Variants in PDE1C observed in about 807,000 individuals in gnomAD.
PDE1C encodes phosphodiesterase 1C.
In PDE1C, 62 loss-of-function variants were observed where a neutral mutation model predicts 93.1. That is an observed-to-expected ratio of 0.67 (90% confidence interval 0.54 to 0.82). The LOEUF (loss-of-function observed/expected upper bound fraction) is 0.82. Among genes scored for constraint, PDE1C ranks in the 40% least tolerant of loss-of-function variants. The pLI, the probability that PDE1C is intolerant of heterozygous loss-of-function variation, is 0.00. For synonymous variants in PDE1C, 325 were observed against 310.1 expected (o/e 1.05, Z -0.50); for missense variants, 742 against 884.6 (o/e 0.84, Z 2.04).
intron 3 of PDE1C, among the ~76,000 whole-genome samples, chr7:32,091,864 G>A (rs1487382168): frequency 1.3e-5 from 2 of 152,302 alleles, no homozygotes. Context: ...TAGGGGCAAG[G>A]GCAGGAAGGG....
intron 1 of PDE1C, among the ~76,000 whole-genome samples, chr7:32,312,018 C>A (rs1203016097): frequency 1.3e-5 from 2 of 149,590 alleles, no homozygotes; most frequent in African/African-American, 4.9e-5. Context: ...ATTATCTCAG[C>A]CCAAAATCTC....
At chr7:31,759,489 A>C (rs2128605148) in intron 17 of PDE1C, among the ~76,000 whole-genome samples, 1 of 152,280 alleles carries the variant, frequency 6.6e-6, no homozygotes, top group East Asian at 1.9e-4. Flanking sequence ...CAAGTTGGAC[A>C]CTTCTTCCCC....
At chr7:32,385,740 A>C (rs1784613467) in intron 1 of PDE1C, among the ~76,000 whole-genome samples, 1 of 152,182 alleles carries the variant, frequency 6.6e-6, no homozygotes, top group African/African-American at 2.4e-5. Flanking sequence ...GTCCAGGGGA[A>C]CCAGAGAGAA....
intron 15 of PDE1C, among the ~76,000 whole-genome samples, chr7:31,813,105 G>C (rs1011269695): frequency 1.3e-5 from 2 of 152,066 alleles, no homozygotes; most frequent in African/African-American, 4.8e-5. Flanking sequence ...TGGTATTATT[G>C]TTATTGCTTT....
At chr7:31,814,916 A>G (rs1196747667) in intron 15 of PDE1C, among the ~76,000 whole-genome samples, 1 of 151,780 alleles carries the variant, frequency 6.6e-6, no homozygotes, top group African/African-American at 2.4e-5. Context: ...CTGCTAAATT[A>G]CCTTGCTATT....
intron 1 of PDE1C, among the ~76,000 whole-genome samples, chr7:32,271,125 G>GA (rs1810934371): frequency 6.6e-6 from 1 of 152,276 alleles, no homozygotes; most frequent in Non-Finnish European, 1.5e-5. Context: ...GTGACAGAGC[G>GA]AGACTCTATC....
At chr7:31,989,680 T>C (rs1783917689) in intron 2 of PDE1C, among the ~76,000 whole-genome samples, 1 of 152,158 alleles carries the variant, frequency 6.6e-6, no homozygotes, top group Non-Finnish European at 1.5e-5. Context: ...ATAACGTCAC[T>C]CATTAGAGCT....
At chr7:32,339,690 A>G (rs950749136) in intron 1 of PDE1C, among the ~76,000 whole-genome samples, 1 of 152,146 alleles carries the variant, frequency 6.6e-6, no homozygotes, top group Non-Finnish European at 1.5e-5. Context: ...TCAGTGGAAG[A>G]GAGACTGGGA....
chr7:31,737,126 T>C, the PDE1C span, among the ~76,000 whole-genome samples: 4 of 152,028 alleles, frequency 2.6e-5, no homozygotes, highest in African/African-American at 9.7e-5. Flanking sequence ...AATTTTATTT[T>C]ATTACTTTTT....
intron 3 of PDE1C, among the ~76,000 whole-genome samples, chr7:32,149,754 A>C (rs1801124573): frequency 6.6e-6 from 1 of 152,246 alleles, no homozygotes; most frequent in Non-Finnish European, 1.5e-5. Context: ...TTTGGAAAGA[A>C]GGAACAATGA....
chr7:31,792,584 TCTATGGAGCTAATCTC>T (rs1483315367), intron 16 of PDE1C, among the ~76,000 whole-genome samples: 1 of 152,126 alleles, frequency 6.6e-6, no homozygotes, highest in African/African-American at 2.4e-5. Context: ...TGGATGGCTT[TCTATGGAGCTAATCTC>T]ACAGAGAAGG....
At position 32,294,609 on chromosome 7, in the gene PDE1C, C is replaced by A. The variant is rs1480928490; in HGVS notation, c.85+4042G>T. Among the ~76,000 whole-genome samples, 4 of 152,196 alleles carry A rather than the reference C, an allele frequency of 2.6e-5. No individual in the cohort carries two copies. The East Asian group carries it at 5.8e-4, about 22-fold the overall frequency. On this transcript the variant is annotated intron_variant, in intron 1 of 18. Transcript: ENST00000396193. ...GCTTTTGTTTTTGGCAGACATACAT[C>A]ACTTTGAGGGGGAGGTGTTTGTTTG...
chr7:31,748,870 T>C (rs945331901), downstream of PDE1C, among the ~76,000 whole-genome samples: 1 of 152,226 alleles, frequency 6.6e-6, no homozygotes, highest in Non-Finnish European at 1.5e-5. Context: ...CCAACAGAGA[T>C]TTCTTTTAAA....
At chr7:31,944,624 TGAAA>T (rs1482142268) in intron 2 of PDE1C, among the ~76,000 whole-genome samples, 2 of 152,198 alleles carry the variant, frequency 1.3e-5, no homozygotes, top group Non-Finnish European at 2.9e-5. Context: ...TCTTACAAAC[TGAAA>T]GAATTTTAAA....
At position 31,900,973 on chromosome 7, in the gene PDE1C, TTTAAACAATTACATAGTAAACCA is replaced by T. The variant is rs150595719; in HGVS notation, c.129-20136_129-20114del. 5.4e-3 allele frequency among the ~76,000 whole-genome samples: 818 copies of T among 151,900 alleles called. 8 individuals are homozygous for T. The highest frequency in any genetic ancestry group is 0.018 in the African/African-American group (760 of 41,560). ...TGATGCAGTTCAATATTTTTCTTGA[TTTAAACAATTACATAGTAAACCA>T]GGAATTTAATGACTTTTTTAAATGA... On this transcript the variant is annotated intron_variant, in intron 2 of 17. Transcript: ENST00000396191.
At chr7:32,214,164 C>T (rs1331307373) in intron 1 of PDE1C, among the ~76,000 whole-genome samples, 1 of 151,842 alleles carries the variant, frequency 6.6e-6, no homozygotes. Flanking sequence ...TATTTTTATA[C>T]ATACACGGAC....
chr7:31,669,659 A>G, the PDE1C span, among the ~76,000 whole-genome samples: 1 of 152,206 alleles, frequency 6.6e-6, no homozygotes, highest in African/African-American at 2.4e-5. Context: ...AATTTACATC[A>G]GACTCTTCTT....
chr7:31,873,894 GCTTCT>G (rs1183062018), intron 5 of PDE1C, among the ~76,000 whole-genome samples: 3 of 152,162 alleles, frequency 2.0e-5, no homozygotes, highest in African/African-American at 7.2e-5. Context: ...AGCCTACGAT[GCTTCT>G]CTTCTCTGAA....
At chr7:32,007,296 A>G (rs1378287847) in intron 2 of PDE1C, among the ~76,000 whole-genome samples, 3 of 151,840 alleles carry the variant, frequency 2.0e-5, no homozygotes, top group African/African-American at 7.3e-5. Context: ...TGTCGCACTA[A>G]CTCTTTTCCC....
Sources: allele counts gnomAD v4.1 joint callset (sites outside exome capture counted in the v4.1 genomes callset), GRCh38; gene constraint gnomAD v4.1.1; transcripts MANE v1.5; gene names NCBI Gene and HGNC (gene_info 2026-07-23, HGNC 2026-07-21).